RPS6KA5: variants seen among roughly 807,000 people sequenced by gnomAD.
RPS6KA5 encodes ribosomal protein S6 kinase A5, also known as ribosomal protein S6 kinase alpha-5.
A neutral mutation model predicts 85.5 loss-of-function variants in RPS6KA5; 27 were observed. That is an observed-to-expected ratio of 0.32 (90% CI 0.23 to 0.44). The LOEUF (loss-of-function observed/expected upper bound fraction) is 0.44, where lower values mean the gene tolerates loss of function less well. Ranked by LOEUF, RPS6KA5 falls within the 20% of genes least tolerant of loss-of-function variation. The pLI is 1.00. For missense variants in RPS6KA5, 811 were observed against 980.9 expected, an observed-to-expected ratio of 0.83 and a Z score of 2.31; for synonymous variants, 334 against 348.2, an observed-to-expected ratio of 0.96 and a Z score of 0.46.
At chr14:90,901,287 G>A (rs1296040078) in intron 9 of RPS6KA5, among the ~76,000 whole-genome samples, 1 of 151,924 alleles carries the variant, frequency 6.6e-6, no homozygotes, top group Non-Finnish European at 1.5e-5. Context: ...ACCATGTCTC[G>A]AACTGGTCTC....
chr14:90,894,385 T>C (rs749306885), intron 13 of RPS6KA5, 28 bp downstream of exon 13: 1 of 1,599,966 alleles, frequency 6.3e-7, no homozygotes, highest in Non-Finnish European at 8.5e-7. Flanking sequence ...CTAGACTGAA[T>C]TACGTAAGAG....
chr14:90,923,142 C>A lies in RPS6KA5; in HGVS notation c.673G>T (p.Val225Phe). 6.2e-7 allele frequency: 1 copy of A among 1,612,726 alleles called. No individual in the cohort carries two copies. The highest frequency in any genetic ancestry group is 8.5e-7 in the Non-Finnish European group (1 of 1,179,132). The change falls in exon 6 of 17, where the codon GTC becomes TTC. Residue 225 changes from valine to phenylalanine, a missense_variant. Physicochemically the swap from Val to Phe is conservative, Grantham distance 50 (BLOSUM62 -1). Transcript: ENST00000614987. ...GTIEYMAPDIVRGGDSGHDKA... is the reference protein window; with the variant it reads ...GTIEYMAPDIFRGGDSGHDKA... The stretch of plus-strand genomic sequence containing the variant: ...TCATGTCCTGAATCTCCCCCTCTGA[C>A]AATATCTGGTGCCATGTATTCAATA...
intron 7 of RPS6KA5, among the ~76,000 whole-genome samples, chr14:90,908,349 T>C (rs995328350): frequency 6.6e-6 from 1 of 152,138 alleles, no homozygotes. Flanking sequence ...ACAGTGCTGA[T>C]GAGGGAGCTT....
intron 1 of RPS6KA5, among the ~76,000 whole-genome samples, chr14:91,031,446 A>T (rs2042183905): frequency 6.6e-6 from 1 of 152,226 alleles, no homozygotes; most frequent in Non-Finnish European, 1.5e-5. Context: ...CATAATTCCC[A>T]GGATGATAGT....
rs191186172 is a variant in RPS6KA5 at position 90,910,718 on chromosome 14, C to T, written c.807-4419G>A. ...TTTTTTTTTTTGAGACAGAGTCTGG[C>T]TCTGTCGACCAGGCTGGAGTGCAAT... is the stretch of plus-strand genomic sequence containing the variant. On this transcript the variant is annotated intron_variant, in intron 7 of 16. Transcript: ENST00000614987. 4.3e-3 allele frequency among the ~76,000 whole-genome samples: 650 copies of T among 150,122 alleles called. 9 individuals are homozygous for T. The highest frequency in any genetic ancestry group is 0.015 in the African/African-American group (605 of 40,476).
At chr14:91,045,186 A>G (rs73328549) in intron 1 of RPS6KA5, among the ~76,000 whole-genome samples, 17,434 of 152,164 alleles carry the variant, frequency 0.11, 1,317 homozygotes, top group East Asian at 0.32. Context: ...TCATTTCAAT[A>G]AACAGCATCT....
At chr14:90,981,406 G>T (rs1301353375) in intron 2 of RPS6KA5, among the ~76,000 whole-genome samples, 1 of 152,028 alleles carries the variant, frequency 6.6e-6, no homozygotes, top group African/African-American at 2.4e-5. Flanking sequence ...GTTGTGTGGG[G>T]TTGTAAATAT....
chr14:90,981,494 T>C lies in RPS6KA5; in HGVS notation c.176-2970A>G, dbSNP rs536168262. ...AATATGCATGAAGTAGCATAGGATGTCAATATATATGATCAAATAATATAA... is the reference window on the plus strand; with the variant it reads ...AATATGCATGAAGTAGCATAGGATGCCAATATATATGATCAAATAATATAA... On this transcript the variant is annotated intron_variant, in intron 2 of 16. Transcript: ENST00000614987. Among the ~76,000 whole-genome samples the C allele has an allele frequency of 2.6e-5, 4 of 152,324 alleles. No homozygotes were observed. The South Asian group carries it at 8.3e-4, about 32-fold the overall frequency.
chr14:90,912,904 C>CTTTT (rs57029403), intron 7 of RPS6KA5, among the ~76,000 whole-genome samples: 674 of 53,262 alleles, frequency 0.013, 28 homozygotes, highest in Non-Finnish European at 0.013. Flanking sequence ...CATAAAGCAT[C>CTTTT]TTTTTTTTTT....
In RPS6KA5 at chr14:90,936,553, T is replaced by A. The variant is rs536868250; in HGVS notation, c.618+6525A>T. The stretch of plus-strand genomic sequence containing the variant: ...GGTGACAGACCAAGACCCCATCTTT[T>A]AAAAAAAAAATACAAAAACAAAAAA... On this transcript the variant is annotated intron_variant, in intron 5 of 16. Transcript: ENST00000614987. Among the ~76,000 whole-genome samples, 727 of 149,742 alleles carry A rather than the reference T, an allele frequency of 4.9e-3. 8 individuals carry two copies. The highest frequency in any genetic ancestry group is 0.016 in the African/African-American group (667 of 40,908).
intron 5 of RPS6KA5, among the ~76,000 whole-genome samples, chr14:90,932,553 C>T (rs1297724120): frequency 6.6e-6 from 1 of 152,202 alleles, no homozygotes; most frequent in African/African-American, 2.4e-5. Flanking sequence ...TATATCATCT[C>T]CTTTCTCCTA....
At chr14:90,950,830 A>G (rs1198967880) in intron 3 of RPS6KA5, among the ~76,000 whole-genome samples, 1 of 152,074 alleles carries the variant, frequency 6.6e-6, no homozygotes, top group Non-Finnish European at 1.5e-5. Flanking sequence ...CATAAGAGAT[A>G]ATGATCTGGG....
At chr14:90,933,503 C>CA (rs1178267961) in intron 5 of RPS6KA5, among the ~76,000 whole-genome samples, 1 of 152,142 alleles carries the variant, frequency 6.6e-6, no homozygotes, top group Admixed American at 6.5e-5. Context: ...GATCTAATGT[C>CA]AAAATAGTCC....
chr14:90,898,590 T>C (rs1488804637), intron 12 of RPS6KA5, among the ~76,000 whole-genome samples: 1 of 152,200 alleles, frequency 6.6e-6, no homozygotes, highest in African/African-American at 2.4e-5. Context: ...TCTTTATTGG[T>C]AAAATTAGGG....
intron 1 of RPS6KA5, among the ~76,000 whole-genome samples, chr14:91,034,540 C>T (rs543044006): frequency 5.9e-5 from 9 of 152,148 alleles, no homozygotes; most frequent in South Asian, 2.1e-4. Context: ...GGATTGTAAA[C>T]GCACCAATCA....
intron 5 of RPS6KA5, among the ~76,000 whole-genome samples, chr14:90,924,055 G>A (rs2036541524): frequency 6.6e-6 from 1 of 151,980 alleles, no homozygotes; most frequent in Admixed American, 6.6e-5. Flanking sequence ...CTGGTGCTTT[G>A]GGGGAGGAGT....
At chr14:91,036,013 A>C (rs2042395337) in intron 1 of RPS6KA5, among the ~76,000 whole-genome samples, 1 of 152,070 alleles carries the variant, frequency 6.6e-6, no homozygotes, top group African/African-American at 2.4e-5. Flanking sequence ...ATGAGCAAAC[A>C]AACAAAAAAG....
At chr14:91,001,294 T>C in intron 1 of RPS6KA5, 135 bp from the exon 2 acceptor site, 1 of 606,558 alleles carries the variant, frequency 1.6e-6, no homozygotes, top group Non-Finnish European at 2.9e-6. Context: ...TAATTATTTG[T>C]TAAACAGTAT....
intron 3 of RPS6KA5, among the ~76,000 whole-genome samples, chr14:90,959,713 T>C (rs1166234496): frequency 1.3e-5 from 2 of 152,202 alleles, no homozygotes; most frequent in Non-Finnish European, 2.9e-5. Flanking sequence ...CCATGAACCA[T>C]GGTGAAAGCG....
Sources: gnomAD v4.1 joint callset for allele counts (sites outside exome capture counted in the v4.1 genomes callset) on GRCh38, gnomAD v4.1.1 for gene constraint, MANE v1.5 for transcripts, NCBI Gene and HGNC (gene_info 2026-07-23, HGNC 2026-07-21) for gene names.